LOXL4: variants seen among roughly 807,000 people sequenced by gnomAD.
The protein encoded by LOXL4 is lysyl oxidase homolog 4.
In LOXL4, 72 loss-of-function variants were observed where a neutral mutation model predicts 89.1. The observed-to-expected ratio is 0.81, with a 90% CI of 0.67 to 0.98. LOXL4 has a LOEUF of 0.98. Among genes scored for constraint, LOXL4 ranks in the 50% least tolerant of loss-of-function variants. The pLI is 0.00. For synonymous variants in LOXL4, 355 were observed against 392.1 expected (o/e 0.91, Z 1.12); for missense variants, 984 against 1,017.5 (o/e 0.97, Z 0.45).
Position 98,248,918 on chromosome 10 carries a change from G to A in LOXL4, c.*3C>T. 3.1e-6 allele frequency: 5 copies of A among 1,612,484 alleles called. No individual in the cohort carries two copies. The highest frequency in any genetic ancestry group is 3.4e-6 in the Non-Finnish European group (4 of 1,179,040). ...CAGCAGCTAGGAGTGTGCAGTGACAGCTTCAGATGAGGTTGTTCCTGAGAC... is the reference window on the plus strand; with the variant it reads ...CAGCAGCTAGGAGTGTGCAGTGACAACTTCAGATGAGGTTGTTCCTGAGAC... On this transcript the variant is annotated 3_prime_UTR_variant, in exon 15 of 15. Coordinates refer to ENST00000260702, the MANE Select transcript of LOXL4 (RefSeq NM_032211.7).
At chr10:98,266,456 G>C (rs980483058) in intron 1 of LOXL4, among the ~76,000 whole-genome samples, 8 of 152,150 alleles carry the variant, frequency 5.3e-5, no homozygotes, top group African/African-American at 1.9e-4. Context: ...CACTGAGGAG[G>C]TCTTGTTACA....
At position 98,252,341 on chromosome 10, in the gene LOXL4, G is replaced by A; in HGVS notation, c.1951+12C>T. On this transcript the variant is annotated intron_variant, in intron 12 of 14. Transcript: ENST00000260702. Reference sequence around the variant, plus strand: ...AGGAGATGCTGATAGGTGCTGACAGGAAACCACATACCTGTGGGGCAGTTT... The same window carrying A: ...AGGAGATGCTGATAGGTGCTGACAGAAAACCACATACCTGTGGGGCAGTTT... The A allele has an allele frequency of 6.3e-7, 1 of 1,588,616 alleles. No homozygotes were observed. The highest frequency in any genetic ancestry group is 8.6e-7 in the Non-Finnish European group (1 of 1,156,950).
Position 98,262,087 on chromosome 10 carries a change from C to T in LOXL4, c.404G>A (p.Arg135Gln), listed in dbSNP as rs762351439. 39 of 1,612,238 alleles carry T rather than the reference C, an allele frequency of 2.4e-5. No individual in the cohort carries two copies. The East Asian group carries it at 2.5e-4, about 10-fold the overall frequency. ...SEDVGVICHP[R>Q]RHRGYLSETV... ...TTCAGAAAGGTAGCCACGATGGCGCCGGGGGTGGCATATCACCCCTACGTC... is the reference window on the plus strand; with the variant it reads ...TTCAGAAAGGTAGCCACGATGGCGCTGGGGGTGGCATATCACCCCTACGTC... Residue 135 changes from arginine to glutamine, a missense_variant, in exon 3 of 15, where the codon CGG becomes CAG. Coordinates refer to ENST00000260702, the MANE Select transcript of LOXL4 (RefSeq NM_032211.7).
intron 14 of LOXL4, among the ~76,000 whole-genome samples, chr10:98,250,499 T>C (rs763435773): frequency 9.2e-5 from 14 of 152,186 alleles, no homozygotes; most frequent in Non-Finnish European, 1.5e-4. Flanking sequence ...ATAGCAAATA[T>C]GGGCATTTTT....
chr10:98,262,012 C>T (rs1258338098), intron 3 of LOXL4, 23 bp downstream of exon 3: 3 of 1,589,680 alleles, frequency 1.9e-6, no homozygotes, highest in Non-Finnish European at 2.6e-6. Flanking sequence ...TGGCTCAGAC[C>T]AGAGCCTGAA....
chr10:98,262,965 G>C lies in LOXL4; in HGVS notation c.55C>G (p.Pro19Ala). 6.2e-7 allele frequency: 1 copy of C among 1,613,754 alleles called. No homozygotes were observed. The highest frequency in any genetic ancestry group is 8.5e-7 in the Non-Finnish European group (1 of 1,180,016). Residue 19 changes from proline (P) to alanine (A), a missense_variant, in exon 2 of 15, where the codon CCC becomes GCC. Coordinates refer to ENST00000260702, the MANE Select transcript of LOXL4 (RefSeq NM_032211.7). ...AGTGACTGTGGCCTGCTGGGAGGGG[G>C]CTGGCCTAGCAGCAGCAGGAACAGA... ...LFLFLLLLGQ[P>A]PPSRPQSLGT...
chr10:98,252,245 C>T lies in LOXL4; in HGVS notation c.1951+108G>A, dbSNP rs1217180829. The T allele has an allele frequency of 9.0e-6, 7 of 777,434 alleles. No homozygotes were observed. The East Asian group carries it at 1.8e-4, about 20-fold the overall frequency. 48.2% of individuals were successfully genotyped at this position (777,434 alleles called of 1,614,324 possible). ...ATGCTAACTTTTCAAGCCAGGGTCT[C>T]CAGGTGCCCTGGGCTGCTGAACAGG... On this transcript the variant is annotated intron_variant, in intron 12 of 14. Transcript: ENST00000260702.
Position 98,261,056 on chromosome 10 carries a change from C to T in LOXL4, c.528G>A (p.Glu176=). The change falls in exon 4 of 15, where the codon GAG becomes GAA. Residue 176 remains glutamate (E), a synonymous_variant. Coordinates refer to ENST00000260702, the MANE Select transcript of LOXL4 (RefSeq NM_032211.7). The part of the protein sequence containing the change: ...ASAKQHSPVT[E]GAVEVKYEGH... ...CCTCATACTTCACCTCCACGGCTCCCTCGGTCACTGGGCTATGCTGCTTGG... is the reference window on the plus strand; with the variant it reads ...CCTCATACTTCACCTCCACGGCTCCTTCGGTCACTGGGCTATGCTGCTTGG... The T allele has an allele frequency of 1.9e-6, 3 of 1,614,014 alleles. No individual in the cohort carries two copies. Among genetic ancestry groups the T allele is most frequent in the Non-Finnish European group, 2.5e-6 (3 of 1,180,046 alleles).
intron 3 of LOXL4, among the ~76,000 whole-genome samples, 192 bp downstream of exon 3, chr10:98,261,843 C>T (rs1858550691): frequency 6.6e-6 from 1 of 152,234 alleles, no homozygotes; most frequent in Non-Finnish European, 1.5e-5. Flanking sequence ...CTCTGGCCTG[C>T]CTTGCCTCAG....
chr10:98,258,249 C>A, intron 6 of LOXL4, 85 bp from the exon 7 acceptor site: 1 of 1,373,628 alleles, frequency 7.3e-7, no homozygotes, highest in Non-Finnish European at 9.8e-7. Context: ...CCCAACGGGG[C>A]TCCTTCAAGT....
At chr10:98,249,883 GTTC>G (rs910097696) in intron 14 of LOXL4, among the ~76,000 whole-genome samples, 4 of 152,128 alleles carry the variant, frequency 2.6e-5, no homozygotes, top group African/African-American at 9.7e-5. Flanking sequence ...ACCTTAGACT[GTTC>G]TTCCTCTTCT....
chr10:98,258,550 G>T (rs1343092417), intron 6 of LOXL4, among the ~76,000 whole-genome samples: 1 of 151,416 alleles, frequency 6.6e-6, no homozygotes, highest in African/African-American at 2.4e-5. Flanking sequence ...TGGCACTAAG[G>T]TGTCTGTACC....
chr10:98,265,215 G>A (rs1858651196), intron 1 of LOXL4, among the ~76,000 whole-genome samples: 1 of 152,288 alleles, frequency 6.6e-6, no homozygotes, highest in East Asian at 1.9e-4. Flanking sequence ...CAGTTCATTT[G>A]GAAGTGATCT....
chr10:98,256,629 G>T, intron 9 of LOXL4, 151 bp downstream of exon 9: 2 of 815,202 alleles, frequency 2.5e-6, no homozygotes, highest in Non-Finnish European at 3.9e-6. Flanking sequence ...TTACCACACT[G>T]TTCCCAGCAC....
chr10:98,250,124 A>T (rs114630572), intron 14 of LOXL4, among the ~76,000 whole-genome samples: 2 of 152,236 alleles, frequency 1.3e-5, no homozygotes, highest in African/African-American at 4.8e-5. Flanking sequence ...ACTGTCCTCC[A>T]GCTAGAAAGT....
intron 11 of LOXL4, 96 bp downstream of exon 11, chr10:98,253,457 G>C: frequency 6.4e-7 from 1 of 1,567,934 alleles, no homozygotes; most frequent in Admixed American, 1.7e-5. Flanking sequence ...CCCCTCCCAG[G>C]AAAACTTGCC....
In LOXL4 at chr10:98,262,864, G is replaced by A. The variant is rs200316215; in HGVS notation, c.156C>T (p.Gly52=). ...EEGRLEVLHQ[G]QWGTVCDDNF... The stretch of plus-strand genomic sequence containing the variant: ...TGTCATCACACACGGTGCCCCACTG[G>A]CCCTGGTGCAGCACCTCCAGGCGGC... The change falls in exon 2 of 15, where the codon GGC becomes GGT. Residue 52 remains glycine (G), a synonymous_variant. Coordinates refer to ENST00000260702, the MANE Select transcript of LOXL4 (RefSeq NM_032211.7). 2.0e-5 allele frequency: 33 copies of A among 1,613,710 alleles called. No individual in the cohort carries two copies. The East Asian group carries it at 3.1e-4, about 15-fold the overall frequency.
At chr10:98,261,791 C>T (rs912809) in intron 3 of LOXL4, among the ~76,000 whole-genome samples, 151,673 of 152,368 alleles carry the variant, frequency 1, 75,502 homozygotes, top group Middle Eastern at 1. Flanking sequence ...GTCTCCCTTA[C>T]GGGAGCAGCT....
At chr10:98,262,289 CA>C (rs1367267755) in intron 2 of LOXL4, 76 bp from the exon 3 acceptor site, 7 of 1,495,634 alleles carry the variant, frequency 4.7e-6, no homozygotes, top group African/African-American at 1.4e-5. Context: ...TAGGACCCCA[CA>C]CTTACCAAGT....
Sources: gnomAD v4.1 joint callset for allele counts (sites outside exome capture counted in the v4.1 genomes callset) on GRCh38, gnomAD v4.1.1 for gene constraint, MANE v1.5 for transcripts, NCBI Gene and HGNC (gene_info 2026-07-23, HGNC 2026-07-21) for gene names.